FRMD4B: variants seen among roughly 807,000 people sequenced by gnomAD.
FRMD4B encodes the protein FERM domain containing 4B.
Under a neutral mutation model 141.5 loss-of-function variants are expected in FRMD4B, and 74 were observed. The observed-to-expected ratio is 0.52, with a 90% CI of 0.43 to 0.63. The LOEUF (loss-of-function observed/expected upper bound fraction) is 0.63. Among genes scored for constraint, FRMD4B ranks in the 30% least tolerant of loss-of-function variants. The probability of loss-of-function intolerance (pLI) is 0.00; values close to 1 mark genes in which losing one functional copy is unlikely to be tolerated. For synonymous variants in FRMD4B, 506 were observed against 467.9 expected (o/e 1.08, Z -1.05); for missense variants, 1,366 against 1,253.4 (o/e 1.09, Z -1.36).
chr3:69,472,925 CTTTTTTTTTTTTCTT>C (rs1705919588), intron 1 of FRMD4B, among the ~76,000 whole-genome samples: 1 of 90,916 alleles, frequency 1.1e-5, no homozygotes, highest in Non-Finnish European at 2.1e-5. Context: ...GTGAGTCTTT[CTTTTTTTTTTTTCTT>C]TTTTTTTTTT....
chr3:69,366,324 A>G (rs1703655035), intron 1 of FRMD4B, among the ~76,000 whole-genome samples: 1 of 152,152 alleles, frequency 6.6e-6, no homozygotes, highest in Non-Finnish European at 1.5e-5. Flanking sequence ...TCAATAGGAG[A>G]CTGATGTAAT....
intron 2 of FRMD4B, among the ~76,000 whole-genome samples, chr3:69,426,482 C>A (rs1243932837): frequency 6.6e-6 from 1 of 152,132 alleles, no homozygotes; most frequent in Non-Finnish European, 1.5e-5. Flanking sequence ...GTAATGCCTG[C>A]CTGGAGCCCT....
intron 21 of FRMD4B, among the ~76,000 whole-genome samples, chr3:69,178,018 A>T (rs144731046): frequency 1.7e-3 from 255 of 152,346 alleles, no homozygotes; most frequent in Non-Finnish European, 3.0e-3. Context: ...CTGGAACAAG[A>T]CAAGGACATA....
At chr3:69,278,810 A>G (rs1280539532) in intron 5 of FRMD4B, among the ~76,000 whole-genome samples, 2 of 151,806 alleles carry the variant, frequency 1.3e-5, no homozygotes, top group Non-Finnish European at 2.9e-5. Flanking sequence ...GCTGGTCTGG[A>G]ACTCCTGGGA....
intron 1 of FRMD4B, among the ~76,000 whole-genome samples, chr3:69,479,495 G>C (rs912665648): frequency 3.3e-5 from 5 of 152,104 alleles, no homozygotes; most frequent in Admixed American, 3.3e-4. Flanking sequence ...TGAAATTCTG[G>C]GTTGAAAATT....
chr3:69,474,353 C>T (rs766869837), intron 1 of FRMD4B, among the ~76,000 whole-genome samples: 11 of 152,134 alleles, frequency 7.2e-5, no homozygotes, highest in African/African-American at 2.7e-4. Context: ...CATGAAGTTG[C>T]AAATGGTCAT....
At chr3:69,290,020 C>T (rs1700819563) in intron 4 of FRMD4B, among the ~76,000 whole-genome samples, 1 of 152,152 alleles carries the variant, frequency 6.6e-6, no homozygotes, top group Non-Finnish European at 1.5e-5. Flanking sequence ...CTGCAGTCCT[C>T]AACCTTGTCC....
intron 5 of FRMD4B, among the ~76,000 whole-genome samples, chr3:69,256,496 T>C (rs1489506719): frequency 6.6e-6 from 1 of 152,162 alleles, no homozygotes; most frequent in Admixed American, 6.5e-5. Context: ...ATTTTCGTAT[T>C]TTTAGTAGAG....
intron 1 of FRMD4B, among the ~76,000 whole-genome samples, chr3:69,502,439 C>T (rs1487349907): frequency 2.0e-5 from 3 of 152,090 alleles, no homozygotes; most frequent in Non-Finnish European, 4.4e-5. Context: ...GGAAAGGATT[C>T]CCTATTTAAT....
chr3:69,533,650 C>CT (rs1701037470), intron 1 of FRMD4B, among the ~76,000 whole-genome samples: 1 of 152,172 alleles, frequency 6.6e-6, no homozygotes, highest in Non-Finnish European at 1.5e-5. Flanking sequence ...GAAATCTCCA[C>CT]TTTGGCCTTT....
intron 1 of FRMD4B, among the ~76,000 whole-genome samples, chr3:69,464,628 G>C (rs1465439156): frequency 6.6e-6 from 1 of 152,192 alleles, no homozygotes; most frequent in Non-Finnish European, 1.5e-5. Context: ...AAAACTGACA[G>C]AATTAGAATA....
At chr3:69,306,150 A>T (rs1003294203) in intron 3 of FRMD4B, among the ~76,000 whole-genome samples, 4 of 152,364 alleles carry the variant, frequency 2.6e-5, no homozygotes, top group African/African-American at 9.6e-5. Context: ...GAATTTTTTA[A>T]AAAATGCCCA....
intron 1 of FRMD4B, among the ~76,000 whole-genome samples, chr3:69,376,508 A>G (rs964832555): frequency 2.6e-5 from 4 of 152,100 alleles, no homozygotes; most frequent in Non-Finnish European, 5.9e-5. Flanking sequence ...GTACCAGTTA[A>G]AGGAAAAACA....
rs772637857 is a variant in FRMD4B at position 69,182,620 on chromosome 3, C to T, written c.2017G>A (p.Ala673Thr). The stretch of plus-strand genomic sequence containing the variant: ...TACTCCAAGTGGCTGCTGCTGTAGG[C>T]GTTTCGGGTAAGAACTGGCGTGGTG... ...MPTTPVLTRN[A>T]YSSSHLEPES... is the part of the protein sequence containing the mutation. Residue 673 changes from alanine to threonine, a missense_variant, in exon 20 of 23, where the codon GCC (alanine) becomes ACC (threonine). Physicochemically the swap from Ala to Thr is moderately conservative, Grantham distance 58. Transcript: ENST00000398540. The T allele has an allele frequency of 9.9e-6, 16 of 1,612,212 alleles. No homozygotes were observed. The highest frequency in any genetic ancestry group is 6.7e-5 in the African/African-American group (5 of 74,724).
intron 3 of FRMD4B, chr3:69,306,280 C>T (rs1701389160): frequency 6.6e-6 from 1 of 152,184 alleles, no homozygotes. Context: ...ATATCTACCC[C>T]TCTCAGGAGT....
intron 1 of FRMD4B, among the ~76,000 whole-genome samples, chr3:69,337,209 G>T (rs1311832895): frequency 2.0e-5 from 3 of 152,096 alleles, no homozygotes; most frequent in African/African-American, 7.2e-5. Context: ...ATGGGGAAAG[G>T]ATTCCCTATT....
chr3:69,282,077 G>A (rs191513985), intron 5 of FRMD4B, among the ~76,000 whole-genome samples: 172 of 152,148 alleles, frequency 1.1e-3, no homozygotes, highest in Non-Finnish European at 1.9e-3. Context: ...TTATAAATCC[G>A]TATTTATGTA....
intron 22 of FRMD4B, among the ~76,000 whole-genome samples, chr3:69,173,907 G>C (rs907450470): frequency 2.6e-5 from 4 of 152,290 alleles, no homozygotes; most frequent in Non-Finnish European, 4.4e-5. Context: ...GGGAGGCTGA[G>C]GCGGGTGGAT....
chr3:69,456,830 A>G (rs1489722064), intron 1 of FRMD4B, among the ~76,000 whole-genome samples: 1 of 150,644 alleles, frequency 6.6e-6, no homozygotes, highest in South Asian at 2.1e-4. Flanking sequence ...ATAAAGTTTT[A>G]TTGGAGCACA....
Sources: allele counts gnomAD v4.1 joint callset (sites outside exome capture counted in the v4.1 genomes callset), GRCh38; gene constraint gnomAD v4.1.1; transcripts MANE v1.5; gene names NCBI Gene and HGNC (gene_info 2026-07-23, HGNC 2026-07-21).